The following CNTN5 variants were observed in gnomAD, a reference collection of about 807,000 sequenced individuals.
CNTN5 encodes contactin-5.
A neutral mutation model predicts 129.1 loss-of-function variants in CNTN5; 77 were observed. That is an observed-to-expected ratio of 0.60 (90% CI 0.50 to 0.72). The LOEUF (loss-of-function observed/expected upper bound fraction) is 0.72, where lower values mean the gene tolerates loss of function less well. CNTN5 is among the 30% of genes least tolerant of loss of function. The pLI, the probability that CNTN5 is intolerant of heterozygous loss-of-function variation, is 0.00. For synonymous variants in CNTN5, 509 were observed against 465.6 expected (o/e 1.09, Z -1.20); for missense variants, 1,478 against 1,328.8 (o/e 1.11, Z -1.75).
chr11:99,875,731 G>T (rs1049926695), intron 6 of CNTN5, among the ~76,000 whole-genome samples: 21 of 148,540 alleles, frequency 1.4e-4, no homozygotes, highest in Non-Finnish European at 2.5e-4. Context: ...GTACACTCTG[G>T]TGTACCTTTT....
intron 3 of CNTN5, among the ~76,000 whole-genome samples, chr11:99,784,396 G>A (rs1026400573): frequency 6.6e-6 from 1 of 151,838 alleles, no homozygotes; most frequent in Non-Finnish European, 1.5e-5. Context: ...GAGAACATGC[G>A]GTGTTTGGTG....
At chr11:99,492,755 A>G (rs1946084316) in intron 2 of CNTN5, among the ~76,000 whole-genome samples, 1 of 152,182 alleles carries the variant, frequency 6.6e-6, no homozygotes, top group Admixed American at 6.5e-5. Flanking sequence ...ACTCAAAGAA[A>G]CAGGAAAAGC....
intron 4 of CNTN5, among the ~76,000 whole-genome samples, chr11:99,836,814 G>C (rs1458601466): frequency 2.0e-5 from 3 of 152,164 alleles, no homozygotes; most frequent in African/African-American, 7.2e-5. Flanking sequence ...GTTGTTTCCT[G>C]ACTTTTTAAT....
chr11:100,141,822 A>G (rs997051665), intron 13 of CNTN5, among the ~76,000 whole-genome samples: 10 of 152,222 alleles, frequency 6.6e-5, no homozygotes, highest in East Asian at 3.9e-4. Context: ...TGAGGTGTCA[A>G]TTTGACTGGA....
chr11:99,977,022 G>T (rs1386789240), intron 8 of CNTN5, among the ~76,000 whole-genome samples: 2 of 152,156 alleles, frequency 1.3e-5, no homozygotes, highest in African/African-American at 4.8e-5. Flanking sequence ...TTTAAAAACA[G>T]CCAGGTCACA....
intron 2 of CNTN5, among the ~76,000 whole-genome samples, chr11:99,477,964 C>T (rs1300448414): frequency 6.6e-6 from 1 of 151,510 alleles, no homozygotes; most frequent in East Asian, 1.9e-4. Flanking sequence ...TATAGAGACA[C>T]ATTGCAGAGG....
chr11:100,330,132 A>T (rs1951875007), intron 21 of CNTN5, among the ~76,000 whole-genome samples: 1 of 152,192 alleles, frequency 6.6e-6, no homozygotes, highest in African/African-American at 2.4e-5. Context: ...CACAAATTTA[A>T]AAAAATCACA....
intron 7 of CNTN5, among the ~76,000 whole-genome samples, chr11:99,921,095 C>A (rs926654975): frequency 6.6e-6 from 1 of 152,208 alleles, no homozygotes; most frequent in South Asian, 2.1e-4. Context: ...TAATCCCAGA[C>A]TTCCAGCCTC....
intron 3 of CNTN5, among the ~76,000 whole-genome samples, chr11:99,730,071 TAAATG>T (rs759501666): frequency 1.3e-5 from 2 of 152,150 alleles, no homozygotes; most frequent in Non-Finnish European, 2.9e-5. Flanking sequence ...TGAATTTAAT[TAAATG>T]AGAGGGCTAA....
chr11:100,301,083 G>A (rs1361705663), intron 20 of CNTN5, among the ~76,000 whole-genome samples: 2 of 151,568 alleles, frequency 1.3e-5, no homozygotes, highest in African/African-American at 4.8e-5. Flanking sequence ...GCCTCATCAG[G>A]AATGTACACA....
rs1408634664 is a variant in CNTN5, at chr11:99,953,133, T to C, written c.674-3673T>C. On this transcript the variant is annotated intron_variant, in intron 7 of 24. Transcript: ENST00000524871. ...TTCAAAGACTTCAGAGAGTCCAGTA[T>C]GCAGTTTCATTCCCCATTCTCACAC... Among the ~76,000 whole-genome samples the C allele has an allele frequency of 9.8e-5, 15 of 152,352 alleles. No homozygotes were observed. In the East Asian group the frequency reaches 2.5e-3, roughly 25 times the overall value.
intron 9 of CNTN5, among the ~76,000 whole-genome samples, chr11:100,047,882 A>G (rs1170358659): frequency 1.3e-5 from 2 of 152,172 alleles, no homozygotes; most frequent in African/African-American, 4.8e-5. Context: ...CTGTAATCCC[A>G]GCAATTTGGG....
intron 2 of CNTN5, among the ~76,000 whole-genome samples, chr11:99,485,776 A>G (rs1461635835): frequency 1.3e-5 from 2 of 152,072 alleles, no homozygotes; most frequent in African/African-American, 2.4e-5. Flanking sequence ...CTTTACAACC[A>G]TGAAATTTCT....
chr11:99,858,211 C>T (rs1359667770), intron 6 of CNTN5, among the ~76,000 whole-genome samples: 2 of 152,100 alleles, frequency 1.3e-5, no homozygotes, highest in African/African-American at 2.4e-5. Flanking sequence ...CAAAGGATCA[C>T]ATCTGTCACA....
intron 2 of CNTN5, among the ~76,000 whole-genome samples, chr11:99,417,958 A>G (rs1942732968): frequency 6.6e-6 from 1 of 152,138 alleles, no homozygotes; most frequent in South Asian, 2.1e-4. Flanking sequence ...TTACTCTTGT[A>G]AATTTAAGTT....
intron 8 of CNTN5, among the ~76,000 whole-genome samples, chr11:99,984,200 C>T (rs908476238): frequency 6.6e-6 from 1 of 151,974 alleles, no homozygotes; most frequent in African/African-American, 2.4e-5. Context: ...TCGCTTGAAC[C>T]AAGGAGGTGG....
At chr11:99,674,943 T>G (rs558147696) in intron 3 of CNTN5, among the ~76,000 whole-genome samples, 2 of 152,070 alleles carry the variant, frequency 1.3e-5, no homozygotes, top group African/African-American at 4.8e-5. Flanking sequence ...TTGCCATGGA[T>G]GTGCATACTG....
intron 7 of CNTN5, among the ~76,000 whole-genome samples, chr11:99,951,768 CCAA>C (rs1412980899): frequency 3.3e-5 from 5 of 151,928 alleles, no homozygotes; most frequent in African/African-American, 1.2e-4. Flanking sequence ...TCTATTTAGC[CCAA>C]CAACAAGCAT....
At chr11:99,343,137 G>A (rs1866598727) in intron 2 of CNTN5, among the ~76,000 whole-genome samples, 1 of 152,144 alleles carries the variant, frequency 6.6e-6, no homozygotes, top group African/African-American at 2.4e-5. Flanking sequence ...ATAGCAAGCT[G>A]CAGGTGGCTG....
Sources: gnomAD v4.1 joint callset for allele counts (sites outside exome capture counted in the v4.1 genomes callset) on GRCh38, gnomAD v4.1.1 for gene constraint, MANE v1.5 for transcripts, NCBI Gene and HGNC (gene_info 2026-07-23, HGNC 2026-07-21) for gene names.